Variants in TMEM196 observed in about 807,000 individuals in gnomAD.
TMEM196 encodes the protein transmembrane protein 196.
In TMEM196, 17 loss-of-function variants were observed where a neutral mutation model predicts 20.0. That is an observed-to-expected ratio of 0.85 (90% CI 0.58 to 1.27). The LOEUF (loss-of-function observed/expected upper bound fraction) is 1.27. TMEM196 is among the 50% of genes most tolerant of loss of function. The probability of loss-of-function intolerance (pLI) is 0.00; values close to 1 mark genes in which losing one functional copy is unlikely to be tolerated. For synonymous variants in TMEM196, 113 were observed against 88.9 expected, an observed-to-expected ratio of 1.27 and a Z score of -1.52; for missense variants, 267 against 223.0, an observed-to-expected ratio of 1.20 and a Z score of -1.26.
chr7:19,731,548 C>T (rs952428185), intron 1 of TMEM196, among the ~76,000 whole-genome samples: 1 of 152,224 alleles, frequency 6.6e-6, no homozygotes, highest in African/African-American at 2.4e-5. Context: ...CCATTTTCAT[C>T]CTGAAAGTCC....
Position 19,721,938 on chromosome 7 carries a change from AT to A in TMEM196, c.*189del. 1 of 748,790 alleles carries A rather than the reference AT, an allele frequency of 1.3e-6. No individual in the cohort carries two copies. Among genetic ancestry groups the A allele is most frequent in the Non-Finnish European group, 2.1e-6 (1 of 473,026 alleles). The allele number at this position is 748,790 out of a possible 1,614,324, so 46.4% of individuals were successfully genotyped here. On this transcript the variant is annotated 3_prime_UTR_variant, in exon 5 of 5. Transcript: ENST00000405844. ...GGTGGAGAAACCAGTGAGGCAATATATTTTTTAGGAAGAATAATTTTAGTGG... is the reference window on the plus strand; with the variant it reads ...GGTGGAGAAACCAGTGAGGCAATATATTTTTAGGAAGAATAATTTTAGTGG...
intron 1 of TMEM196, among the ~76,000 whole-genome samples, chr7:19,771,043 C>T (rs550876322): frequency 2.0e-4 from 31 of 152,196 alleles, no homozygotes; most frequent in Non-Finnish European, 3.8e-4. Flanking sequence ...TAAATGTTGA[C>T]ATTACACTTC....
At chr7:19,762,757 C>T (rs945207104) in intron 1 of TMEM196, among the ~76,000 whole-genome samples, 3 of 152,090 alleles carry the variant, frequency 2.0e-5, no homozygotes, top group Admixed American at 2.0e-4. Context: ...TGAGTTGTGC[C>T]AGCTTTGAGT....
At position 19,721,373 on chromosome 7, in the gene TMEM196, T is replaced by C. The variant is rs1035791073; in HGVS notation, c.*755A>G. On this transcript the variant is annotated 3_prime_UTR_variant, in exon 5 of 5. Coordinates refer to ENST00000405844, the MANE Select transcript of TMEM196 (RefSeq NM_001363562.2). ...ACACACATTCACACACATACTTTAT[T>C]CTTAGGCTCATTCATGAACATGCAG... 6.6e-6 allele frequency: 1 copy of C among 152,014 alleles called. No homozygotes were observed. Among genetic ancestry groups the C allele is most frequent in the African/African-American group, 2.4e-5 (1 of 41,456 alleles). 9.4% of individuals were successfully genotyped at this position (152,014 alleles called of 1,614,324 possible).
chr7:19,757,719 A>C (rs1259985676), intron 1 of TMEM196, among the ~76,000 whole-genome samples: 1 of 152,016 alleles, frequency 6.6e-6, no homozygotes, highest in Non-Finnish European at 1.5e-5. Context: ...CTTTGAGAAA[A>C]TATTTTACTT....
At chr7:19,740,230 G>A (rs537499127) in intron 1 of TMEM196, among the ~76,000 whole-genome samples, 3 of 152,078 alleles carry the variant, frequency 2.0e-5, no homozygotes, top group African/African-American at 7.2e-5. Context: ...TATAGTTAAG[G>A]GAAAAAAGCA....
chr7:19,741,545 A>G (rs1784581053), intron 1 of TMEM196, among the ~76,000 whole-genome samples: 1 of 152,182 alleles, frequency 6.6e-6, no homozygotes, highest in Non-Finnish European at 1.5e-5. Flanking sequence ...TCTTTTCTGA[A>G]TGGTAGCATT....
At chr7:19,728,570 C>T (rs1045583085) in intron 2 of TMEM196, among the ~76,000 whole-genome samples, 1 of 152,178 alleles carries the variant, frequency 6.6e-6, no homozygotes, top group South Asian at 2.1e-4. Flanking sequence ...CCCTGATCTG[C>T]TCAGATAACT....
intron 1 of TMEM196, among the ~76,000 whole-genome samples, chr7:19,757,990 C>G (rs1785285061): frequency 6.7e-6 from 1 of 149,684 alleles, no homozygotes; most frequent in Non-Finnish European, 1.5e-5. Context: ...ACTAAGAACC[C>G]CAGGCAAATG....
intron 1 of TMEM196, among the ~76,000 whole-genome samples, chr7:19,744,955 G>T (rs117661900): frequency 2.2e-4 from 34 of 152,066 alleles, no homozygotes; most frequent in Non-Finnish European, 4.3e-4. Flanking sequence ...ATTGAAGCTT[G>T]GGATTTCCTA....
intron 1 of TMEM196, among the ~76,000 whole-genome samples, chr7:19,734,062 G>A (rs1024701122): frequency 2.0e-5 from 3 of 152,052 alleles, no homozygotes; most frequent in Non-Finnish European, 4.4e-5. Context: ...AGCTGAAGGT[G>A]GGGCACTCAC....
chr7:19,769,754 C>T (rs1447706646), intron 1 of TMEM196, among the ~76,000 whole-genome samples: 1 of 152,066 alleles, frequency 6.6e-6, no homozygotes, highest in Admixed American at 6.6e-5. Context: ...AGTATAACAA[C>T]TATTTACATA....
At chr7:19,754,800 C>A (rs146489367) in intron 1 of TMEM196, among the ~76,000 whole-genome samples, 4 of 152,296 alleles carry the variant, frequency 2.6e-5, no homozygotes, top group African/African-American at 9.6e-5. Flanking sequence ...ACAGTTGGAT[C>A]ACATGAAATT....
At chr7:19,758,461 A>C (rs1785303564) in intron 1 of TMEM196, among the ~76,000 whole-genome samples, 1 of 152,206 alleles carries the variant, frequency 6.6e-6, no homozygotes, top group Admixed American at 6.5e-5. Flanking sequence ...TTTGGTTGAA[A>C]GATTTTTTTA....
chr7:19,722,634 G>A (rs967341528), intron 4 of TMEM196, among the ~76,000 whole-genome samples: 2 of 152,008 alleles, frequency 1.3e-5, no homozygotes, highest in African/African-American at 2.4e-5. Context: ...AATCATAGTG[G>A]GAAAGATTGT....
rs996279353 is a variant in TMEM196, at chr7:19,721,933, A to C, written c.*195T>G. On this transcript the variant is annotated 3_prime_UTR_variant, in exon 5 of 5. Coordinates refer to ENST00000405844, the MANE Select transcript of TMEM196 (RefSeq NM_001363562.2). ...AAAAGGGTGGAGAAACCAGTGAGGC[A>C]ATATATTTTTTAGGAAGAATAATTT... 2 of 703,956 alleles carry C rather than the reference A, an allele frequency of 2.8e-6. No homozygotes were observed. The highest frequency in any genetic ancestry group is 4.6e-6 in the Non-Finnish European group (2 of 434,562). 43.6% of individuals were successfully genotyped at this position (703,956 alleles called of 1,614,324 possible). A position where few individuals can be genotyped will look rare whatever the true frequency, so the allele number is the denominator to read the frequency against.
chr7:19,771,101 A>G (rs992366756), intron 1 of TMEM196, among the ~76,000 whole-genome samples: 1 of 152,164 alleles, frequency 6.6e-6, no homozygotes, highest in Non-Finnish European at 1.5e-5. Context: ...TTCTGTTTAT[A>G]TGATAACAAC....
intron 1 of TMEM196, among the ~76,000 whole-genome samples, chr7:19,764,880 T>C (rs1342865865): frequency 6.6e-6 from 1 of 152,136 alleles, no homozygotes; most frequent in Non-Finnish European, 1.5e-5. Flanking sequence ...GCCTGGTCCA[T>C]GTATTCAAGG....
intron 1 of TMEM196, among the ~76,000 whole-genome samples, chr7:19,756,443 T>C (rs1375644550): frequency 6.6e-6 from 1 of 151,992 alleles, no homozygotes; most frequent in Non-Finnish European, 1.5e-5. Flanking sequence ...CATGGTGGTT[T>C]GTGGTATAAA....
Sources: gnomAD v4.1 joint callset for allele counts (sites outside exome capture counted in the v4.1 genomes callset) on GRCh38, gnomAD v4.1.1 for gene constraint, MANE v1.5 for transcripts, NCBI Gene and HGNC (gene_info 2026-07-23, HGNC 2026-07-21) for gene names.